SYT16: variants seen among roughly 807,000 people sequenced by gnomAD.
SYT16 encodes the protein synaptotagmin 16.
In SYT16, 42 loss-of-function variants were observed where a neutral mutation model predicts 61.4. That is an observed-to-expected ratio of 0.68 (90% CI 0.53 to 0.89). SYT16 has a LOEUF of 0.89. Among genes scored for constraint, SYT16 ranks in the 40% least tolerant of loss-of-function variants. The pLI is 0.00. For synonymous variants in SYT16, 314 were observed against 302.3 expected, an observed-to-expected ratio of 1.04 and a Z score of -0.40; for missense variants, 804 against 807.3, an observed-to-expected ratio of 1.00 and a Z score of 0.05.
At chr14:61,969,903 T>C (rs1294677373) in intron 1 of SYT16, among the ~76,000 whole-genome samples, 2 of 152,124 alleles carry the variant, frequency 1.3e-5, no homozygotes, top group Admixed American at 1.3e-4. Context: ...GGTATAGAGG[T>C]CTCTCATCTG....
intron 7 of SYT16, among the ~76,000 whole-genome samples, chr14:62,084,678 C>T (rs2056828278): frequency 6.6e-6 from 1 of 152,132 alleles, no homozygotes; most frequent in South Asian, 2.1e-4. Flanking sequence ...CAATTAAAAT[C>T]TGCTAATACG....
intron 1 of SYT16, among the ~76,000 whole-genome samples, chr14:61,916,294 T>C (rs1447852812): frequency 6.6e-6 from 1 of 152,140 alleles, no homozygotes; most frequent in African/African-American, 2.4e-5. Context: ...AACATAACTT[T>C]TTATAAGGCT....
intron 1 of SYT16, among the ~76,000 whole-genome samples, chr14:61,911,327 G>T (rs1381245597): frequency 6.6e-6 from 1 of 152,122 alleles, no homozygotes; most frequent in East Asian, 1.9e-4. Flanking sequence ...TTAATGTTTG[G>T]CCCTGATTTA....
intron 1 of SYT16, among the ~76,000 whole-genome samples, chr14:61,873,106 A>T (rs2047381018): frequency 6.6e-6 from 1 of 152,222 alleles, no homozygotes; most frequent in Non-Finnish European, 1.5e-5. Flanking sequence ...GCCAACTAAA[A>T]TATTGATTAT....
chr14:61,976,750 C>A (rs932280012), intron 2 of SYT16, among the ~76,000 whole-genome samples: 1 of 152,132 alleles, frequency 6.6e-6, no homozygotes, highest in Non-Finnish European at 1.5e-5. Context: ...ATGGGAAGGG[C>A]TGCCATGAGG....
At chr14:61,850,156 C>T (rs1337505675) in intron 1 of SYT16, among the ~76,000 whole-genome samples, 13 of 148,840 alleles carry the variant, frequency 8.7e-5, no homozygotes, top group South Asian at 4.3e-4. Flanking sequence ...TTTTTTGAGA[C>T]GGACTTTTGC....
rs148851095 is a variant in SYT16, at chr14:61,827,657, T to G, written c.-325+14847T>G. Among the ~76,000 whole-genome samples, 1,414 of 152,270 alleles carry G rather than the reference T, an allele frequency of 9.3e-3. 26 individuals carry two copies. Among genetic ancestry groups the G allele is most frequent in the African/African-American group, 0.032 (1,329 of 41,548 alleles). ...CATGATTTTTTTTTGGTTATTCTAT[T>G]TCCCCTTCTCTATCTTATTTTGGAT... On this transcript the variant is annotated intron_variant, in intron 1 of 7. Coordinates refer to ENST00000683842, the MANE Select transcript of SYT16 (RefSeq NM_001367656.1).
chr14:62,061,338 G>A (rs2055816196), intron 3 of SYT16, among the ~76,000 whole-genome samples: 1 of 152,034 alleles, frequency 6.6e-6, no homozygotes, highest in Non-Finnish European at 1.5e-5. Context: ...AGCAACTGAA[G>A]ATGAAAAAAC....
chr14:61,971,218 T>C lies in SYT16; in HGVS notation c.-145+907T>C, dbSNP rs183274034. On this transcript the variant is annotated intron_variant, in intron 2 of 7. Coordinates refer to ENST00000683842, the MANE Select transcript of SYT16 (RefSeq NM_001367656.1). ...ATAATGTAGGAATAAAGGCATATTA[T>C]CTACTGCTTATAACAAATTATCCCA... Among the ~76,000 whole-genome samples the C allele has an allele frequency of 2.0e-5, 3 of 152,350 alleles. No individual in the cohort carries two copies. The East Asian group carries it at 5.8e-4, about 29-fold the overall frequency.
At chr14:62,048,000 T>G (rs1260555780) in intron 3 of SYT16, among the ~76,000 whole-genome samples, 2 of 152,258 alleles carry the variant, frequency 1.3e-5, no homozygotes, top group Non-Finnish European at 2.9e-5. Context: ...TAAAATGAGT[T>G]AGGGAGGATT....
chr14:62,094,307 G>C (rs1200867577), intron 7 of SYT16, among the ~76,000 whole-genome samples: 1 of 152,046 alleles, frequency 6.6e-6, no homozygotes, highest in Non-Finnish European at 1.5e-5. Context: ...TCCAGCCAGG[G>C]CTGAATTTCT....
chr14:62,086,604 C>A (rs972840071), intron 7 of SYT16, among the ~76,000 whole-genome samples: 2 of 152,180 alleles, frequency 1.3e-5, no homozygotes, highest in Non-Finnish European at 2.9e-5. Flanking sequence ...AGTTTGCATT[C>A]CTGTAATACA....
chr14:62,096,686 A>G (rs1034039013), intron 7 of SYT16, among the ~76,000 whole-genome samples: 1 of 152,138 alleles, frequency 6.6e-6, no homozygotes, highest in African/African-American at 2.4e-5. Context: ...AAATACATCT[A>G]TGGAAATGAT....
intron 7 of SYT16, 133 bp from the exon 8 acceptor site, chr14:62,100,261 A>T: frequency 1.4e-6 from 1 of 739,970 alleles, no homozygotes; most frequent in Non-Finnish European, 2.1e-6. Context: ...AGCAAGAACC[A>T]GGCTTAAGGA....
At chr14:62,049,047 CGTT>C (rs1354872896) in intron 3 of SYT16, among the ~76,000 whole-genome samples, 1 of 152,040 alleles carries the variant, frequency 6.6e-6, no homozygotes, top group South Asian at 2.1e-4. Context: ...ATTTCTGTCT[CGTT>C]GATCTGTCTA....
intron 1 of SYT16, among the ~76,000 whole-genome samples, chr14:61,914,934 C>T (rs1246396828): frequency 6.6e-6 from 1 of 152,168 alleles, no homozygotes; most frequent in Non-Finnish European, 1.5e-5. Flanking sequence ...CAGATCCAAA[C>T]TCTTACCATG....
At chr14:61,842,085 C>T (rs2046316830) in intron 1 of SYT16, among the ~76,000 whole-genome samples, 1 of 151,940 alleles carries the variant, frequency 6.6e-6, no homozygotes, top group Non-Finnish European at 1.5e-5. Context: ...TTGTGGGGTA[C>T]ATGAGAGGTT....
At chr14:62,049,993 T>C (rs1164159614) in intron 3 of SYT16, among the ~76,000 whole-genome samples, 1 of 152,190 alleles carries the variant, frequency 6.6e-6, no homozygotes, top group Non-Finnish European at 1.5e-5. Flanking sequence ...GCATTCTCTG[T>C]ATTTCCTGAA....
At chr14:61,963,943 C>T (rs2051208591) in intron 1 of SYT16, among the ~76,000 whole-genome samples, 1 of 152,104 alleles carries the variant, frequency 6.6e-6, no homozygotes, top group Admixed American at 6.6e-5. Flanking sequence ...TGGATGACAG[C>T]ACATCTATTT....
Sources: gnomAD v4.1 joint callset for allele counts (sites outside exome capture counted in the v4.1 genomes callset) on GRCh38, gnomAD v4.1.1 for gene constraint, MANE v1.5 for transcripts, NCBI Gene and HGNC (gene_info 2026-07-23, HGNC 2026-07-21) for gene names.